Variants in ITGAL observed in about 807,000 individuals in gnomAD.
ITGAL encodes the protein integrin subunit alpha L, also known as integrin alpha-L.
A neutral mutation model predicts 138.4 loss-of-function variants in ITGAL; 68 were observed. That is an observed-to-expected ratio of 0.49 (90% confidence interval 0.40 to 0.60). ITGAL has a LOEUF of 0.60. Ranked by LOEUF, ITGAL falls within the 20% of genes least tolerant of loss-of-function variation. ITGAL has a pLI of 0.00. For missense variants in ITGAL, 1,256 were observed against 1,478.6 expected (o/e 0.85, Z 2.47); for synonymous variants, 561 against 584.3 (o/e 0.96, Z 0.57).
chr16:30,490,124 G>A (rs1203341489), intron 11 of ITGAL, among the ~76,000 whole-genome samples: 1 of 151,574 alleles, frequency 6.6e-6, no homozygotes, highest in South Asian at 2.1e-4. Context: ...CTACTCAGGG[G>A]GCTGAGGCAG....
rs770576817 is a variant in ITGAL at position 30,475,500 on chromosome 16, C to G, written c.260-13C>G. The G allele has an allele frequency of 4.3e-6, 7 of 1,613,160 alleles. No individual in the cohort carries two copies. The African/African-American group carries it at 9.3e-5, about 22-fold the overall frequency. ...GCCTGAGCTCCTCCAGACCAACCTT[C>G]TGGTGCCTACAGGTTCCAACTATAC... is the stretch of plus-strand genomic sequence containing the variant. On this transcript the variant is annotated splice_polypyrimidine_tract_variant and intron_variant, in intron 3 of 30. Transcript: ENST00000356798.
At chr16:30,514,793 G>C (rs1382378300) in intron 25 of ITGAL, among the ~76,000 whole-genome samples, 1 of 151,438 alleles carries the variant, frequency 6.6e-6, no homozygotes, top group African/African-American at 2.4e-5. Context: ...TCTGTGCCTG[G>C]TGCTTTATTT....
rs1461657146 is a variant in ITGAL, at chr16:30,499,850, G to A, written c.2145+361G>A. Among the ~76,000 whole-genome samples the A allele has an allele frequency of 3.4e-5, 5 of 146,242 alleles. No individual in the cohort carries two copies. In the East Asian group the frequency reaches 8.1e-4, roughly 24 times the overall value. ...GGCCACCTCCACCTCCTGGGTTCAA[G>A]CAATTCTCCTGCCTCAGTCTCCCGA... On this transcript the variant is annotated intron_variant, in intron 17 of 30. Coordinates refer to ENST00000356798, the MANE Select transcript of ITGAL (RefSeq NM_002209.3).
chr16:30,505,550 C>G, intron 20 of ITGAL, 88 bp downstream of exon 20: 2 of 975,080 alleles, frequency 2.1e-6, no homozygotes, highest in Admixed American at 3.7e-5. Context: ...TTTGCAGACA[C>G]CACTTCCCTC....
intron 21 of ITGAL, among the ~76,000 whole-genome samples, chr16:30,507,093 C>T (rs893907040): frequency 2.0e-5 from 3 of 152,156 alleles, no homozygotes; most frequent in African/African-American, 4.8e-5. Context: ...GAGGCCAAGG[C>T]GGGCAGATCA....
intron 1 of ITGAL, chr16:30,473,841 A>ACCCGGCTCGGGGCG: frequency 2.2e-6 from 1 of 450,434 alleles, no homozygotes. Context: ...GCAGAGGCGC[A>ACCCGGCTCGGGGCG]CCCGGCTCGG....
At position 30,494,611 on chromosome 16, in the gene ITGAL, G is replaced by C; in HGVS notation, c.1366-102G>C. The C allele has an allele frequency of 7.2e-7, 1 of 1,387,800 alleles. No homozygotes were observed. Among genetic ancestry groups the C allele is most frequent in the East Asian group, 2.4e-5 (1 of 41,226 alleles). The allele number at this position is 1,387,800 out of a possible 1,614,324, so 86.0% of individuals were successfully genotyped here. ...AGGGGTGGATCCAAGATTGGAACCTGCATTTGAGGGAGTGGCACAAGATGA... is the reference window on the plus strand; with the variant it reads ...AGGGGTGGATCCAAGATTGGAACCTCCATTTGAGGGAGTGGCACAAGATGA... On this transcript the variant is annotated intron_variant, in intron 12 of 30. Coordinates refer to ENST00000356798, the MANE Select transcript of ITGAL (RefSeq NM_002209.3). This position sits in a 1 kb window ranked among gnomAD's most constrained non-coding sequence, Gnocchi z 4.2.
At chr16:30,510,837 C>A (rs760278945) in intron 22 of ITGAL, 44 bp from the exon 23 acceptor site, 1 of 1,510,746 alleles carries the variant, frequency 6.6e-7, no homozygotes, top group Non-Finnish European at 9.2e-7. Context: ...TGAGGCTGCT[C>A]CTCATGACCC....
chr16:30,494,682 C>G lies in ITGAL; in HGVS notation c.1366-31C>G. ...TGCCAACCCCTGCTGTTCCCACAGGCGCTTCCCCAAACACCTGCCTCTCCC... is the reference window on the plus strand; with the variant it reads ...TGCCAACCCCTGCTGTTCCCACAGGGGCTTCCCCAAACACCTGCCTCTCCC... On this transcript the variant is annotated intron_variant, in intron 12 of 30. Transcript: ENST00000356798. The surrounding 1 kb of genome is among the most constrained non-coding windows in gnomAD (Gnocchi z 4.2). The G allele has an allele frequency of 6.3e-7, 1 of 1,577,966 alleles. No individual in the cohort carries two copies. Among genetic ancestry groups the G allele is most frequent in the Non-Finnish European group, 8.6e-7 (1 of 1,159,466 alleles).
intron 25 of ITGAL, 48 bp from the exon 26 acceptor site, chr16:30,516,925 T>G: frequency 7.6e-7 from 1 of 1,313,386 alleles, no homozygotes; most frequent in Non-Finnish European, 1.1e-6. Flanking sequence ...GGGGGGCAGC[T>G]GGGGTGGCTG....
chr16:30,499,165 A>G lies in ITGAL; in HGVS notation c.1924A>G (p.Asn642Asp), dbSNP rs2050847448. The G allele has an allele frequency of 1.9e-6, 3 of 1,613,952 alleles. No homozygotes were observed. The highest frequency in any genetic ancestry group is 1.7e-5 in the Admixed American group (1 of 59,976). ...HEVECSYSTS[N>D]KMKEGVNITI... ...AGTGGAGTGCTCCTATTCAACCAGT[A>G]ACAAGATGAAAGAAGGAGTTAATAT... Residue 642 changes from asparagine (N) to aspartate (D), a missense_variant, in exon 16 of 31, where the codon AAC (asparagine) becomes GAC (aspartate). Physicochemically the swap from Asn to Asp is conservative, Grantham distance 23. Coordinates refer to ENST00000356798, the MANE Select transcript of ITGAL (RefSeq NM_002209.3).
chr16:30,494,932 T>G lies in ITGAL; in HGVS notation c.1503+82T>G. The G allele has an allele frequency of 1.2e-5, 17 of 1,462,822 alleles. No homozygotes were observed. The highest frequency in any genetic ancestry group is 1.4e-5 in the African/African-American group (1 of 70,942). The allele number at this position is 1,462,822 out of a possible 1,614,324, so 90.6% of individuals were successfully genotyped here. ...TCCCAGTTATTCTGAAGGCTTTCTCTGTCTGGTCACGTGGCGATCAAACTT... is the reference window on the plus strand; with the variant it reads ...TCCCAGTTATTCTGAAGGCTTTCTCGGTCTGGTCACGTGGCGATCAAACTT... On this transcript the variant is annotated intron_variant, in intron 13 of 30. Transcript: ENST00000356798. The surrounding 1 kb of genome is among the most constrained non-coding windows in gnomAD (Gnocchi z 4.2).
At chr16:30,473,947 A>C (rs1195074933) in intron 1 of ITGAL, 3 of 642,966 alleles carry the variant, frequency 4.7e-6, no homozygotes, top group Non-Finnish European at 2.9e-6. Context: ...CTAACTTCTC[A>C]TCCTTCCTTT....
intron 13 of ITGAL, 110 bp from the exon 14 acceptor site, chr16:30,495,987 C>T: frequency 1.1e-6 from 1 of 887,570 alleles, no homozygotes; most frequent in Admixed American, 1.9e-5. Flanking sequence ...CAGCACCATT[C>T]CAATTCTGTG....
Position 30,494,166 on chromosome 16 carries a change from C to T in ITGAL, c.1214-46C>T, listed in dbSNP as rs1041127554. ...TGCCCCTCTCCTGCTGGGTGTTCTT[C>T]CAGCATCCTGTGTTCCTAACTCCAC... On this transcript the variant is annotated intron_variant, in intron 11 of 30. Coordinates refer to ENST00000356798, the MANE Select transcript of ITGAL (RefSeq NM_002209.3). The surrounding 1 kb of genome is among the most constrained non-coding windows in gnomAD (Gnocchi z 4.2). 6.6e-7 allele frequency: 1 copy of T among 1,508,292 alleles called. No homozygotes were observed. The highest frequency in any genetic ancestry group is 1.4e-5 in the African/African-American group (1 of 73,268). The allele number at this position is 1,508,292 out of a possible 1,614,324, so 93.4% of individuals were successfully genotyped here. A position where few individuals can be genotyped will look rare whatever the true frequency, so the allele number is the denominator to read the frequency against.
chr16:30,512,675 G>A (rs1414951011), intron 24 of ITGAL, among the ~76,000 whole-genome samples: 1 of 151,668 alleles, frequency 6.6e-6, no homozygotes, highest in African/African-American at 2.4e-5. Context: ...GACAGTGTCT[G>A]AGCTCAGGTC....
At chr16:30,501,701 A>G (rs2050901276) in intron 17 of ITGAL, among the ~76,000 whole-genome samples, 1 of 151,956 alleles carries the variant, frequency 6.6e-6, no homozygotes, top group Non-Finnish European at 1.5e-5. Flanking sequence ...TAAAGTTTTT[A>G]AATTAAGTCT....
At chr16:30,483,763 T>G in intron 7 of ITGAL, 64 bp from the exon 8 acceptor site, 1 of 1,526,358 alleles carries the variant, frequency 6.6e-7, no homozygotes. Flanking sequence ...GATGAGCAGG[T>G]GGGGAAAGAG....
chr16:30,500,060 ATT>A (rs1555507208), intron 17 of ITGAL, among the ~76,000 whole-genome samples: 1 of 38,240 alleles, frequency 2.6e-5, no homozygotes, highest in South Asian at 3.9e-3. Flanking sequence ...ATTTTATATT[ATT>A]TATTTATTTA....
Sources: allele counts gnomAD v4.1 joint callset (sites outside exome capture counted in the v4.1 genomes callset), GRCh38; gene constraint gnomAD v4.1.1; non-coding constraint Gnocchi (gnomAD v3.1); transcripts MANE v1.5; gene names NCBI Gene and HGNC (gene_info 2026-07-23, HGNC 2026-07-21).